The following CDON variants were observed in gnomAD, a reference collection of about 807,000 sequenced individuals.
The protein encoded by CDON is cell adhesion associated, oncogene regulated.
A neutral mutation model predicts 120.9 loss-of-function variants in CDON; 73 were observed. The observed-to-expected ratio is 0.60, with a 90% CI of 0.50 to 0.73. The LOEUF is 0.73. Among genes scored for constraint, CDON ranks in the 30% least tolerant of loss-of-function variants. The probability of loss-of-function intolerance (pLI) is 0.00; values close to 1 mark genes in which losing one functional copy is unlikely to be tolerated. For synonymous variants in CDON, 566 were observed against 573.5 expected (o/e 0.99, Z 0.19); for missense variants, 1,470 against 1,587.3 (o/e 0.93, Z 1.26).
rs1945580524 is a variant in CDON at position 125,959,530 on chromosome 11, T to C, written c.*1412A>G. The stretch of plus-strand genomic sequence containing the variant: ...GGAGCTCTGCTGACCAACTTGGCTT[T>C]AGGTGCCTATTTACAAGGGTGACAT... On this transcript the variant is annotated 3_prime_UTR_variant, in exon 20 of 20. Coordinates refer to ENST00000531738, the MANE Select transcript of CDON (RefSeq NM_001378964.1). 1 of 152,132 alleles carries C rather than the reference T, an allele frequency of 6.6e-6. No individual in the cohort carries two copies. Among genetic ancestry groups the C allele is most frequent in the South Asian group, 2.1e-4 (1 of 4,824 alleles). The allele number at this position is 152,132 out of a possible 1,614,324, so 9.4% of individuals were successfully genotyped here.
chr11:125,981,970 C>CTTTTTTTTT (rs61446837), intron 16 of CDON, among the ~76,000 whole-genome samples: 669 of 54,268 alleles, frequency 0.012, 156 homozygotes, highest in East Asian at 0.03. Context: ...ATTCTATTTT[C>CTTTTTTTTT]TTTTTTTTTT....
At chr11:126,062,975 G>C (rs906887718), upstream of CDON, among the ~76,000 whole-genome samples, 2 of 151,756 alleles carry the variant, frequency 1.3e-5, no homozygotes, top group South Asian at 4.2e-4. Context: ...AGGAGGGACC[G>C]GGGAATGACT....
Position 126,019,823 on chromosome 11 carries a change from A to G in CDON, c.350-58T>C, listed in dbSNP as rs1947582050. On this transcript the variant is annotated intron_variant, in intron 3 of 19. Transcript: ENST00000531738. ...CATGCAAATTTGAATTCTTTTTCCC[A>G]AAGGAAATTTACAAATTAGAAACAA... 3 of 1,503,110 alleles carry G rather than the reference A, an allele frequency of 2.0e-6. No homozygotes were observed. The African/African-American group carries it at 4.1e-5, about 21-fold the overall frequency. 93.1% of individuals were successfully genotyped at this position (1,503,110 alleles called of 1,614,324 possible).
At chr11:126,038,792 G>C (rs540089196) in intron 1 of CDON, among the ~76,000 whole-genome samples, 2 of 152,198 alleles carry the variant, frequency 1.3e-5, no homozygotes, top group South Asian at 2.1e-4. Context: ...TCTCTTCCTA[G>C]CTTCCCTGCC....
At chr11:126,039,834 A>G (rs905739236) in intron 1 of CDON, among the ~76,000 whole-genome samples, 1 of 152,096 alleles carries the variant, frequency 6.6e-6, no homozygotes, top group African/African-American at 2.4e-5. Flanking sequence ...GAACTCTTAG[A>G]CCTTGCTGGG....
rs771490194 is a variant in CDON, at chr11:125,984,042, G to T, written c.2825C>A (p.Pro942His). The change falls in exon 16 of 20, where the codon CCT becomes CAT. Residue 942 changes from proline (P) to histidine (H), a missense_variant. Physicochemically the swap from Pro to His is moderately conservative, Grantham distance 77. Coordinates refer to ENST00000531738, the MANE Select transcript of CDON (RefSeq NM_001378964.1). ...TCCTCCACTTCCCAAAGAATTTGGA[G>T]GGGTACTCAAGTCTTTGACAGGATA... ...SEYPVKDLSTPPNSLGSGGNV... is the reference protein window; with the variant it reads ...SEYPVKDLSTHPNSLGSGGNV... The T allele has an allele frequency of 6.2e-7, 1 of 1,614,026 alleles. No individual in the cohort carries two copies. The highest frequency in any genetic ancestry group is 8.5e-7 in the Non-Finnish European group (1 of 1,179,948).
chr11:126,026,951 T>C (rs1163491371), intron 1 of CDON, among the ~76,000 whole-genome samples: 1 of 152,224 alleles, frequency 6.6e-6, no homozygotes, highest in African/African-American at 2.4e-5. Flanking sequence ...AGAGTCAACT[T>C]TAACCCTAGT....
chr11:125,990,099 C>T (rs189980916), intron 14 of CDON, among the ~76,000 whole-genome samples: 8 of 152,250 alleles, frequency 5.3e-5, no homozygotes, highest in Admixed American at 4.6e-4. Flanking sequence ...CAAGTCCTTT[C>T]ATCCCTATCT....
rs531475217 is a variant in CDON at position 126,055,861 on chromosome 11, C to T, written c.-62+6718G>A. ...AGGAAGAAAGAATACCCGACATTTA[C>T]TTGTTAGTGATAAACTAAGGATTAC... On this transcript the variant is annotated intron_variant, in intron 1 of 19. Coordinates refer to ENST00000531738, the MANE Select transcript of CDON (RefSeq NM_001378964.1). Among the ~76,000 whole-genome samples the T allele has an allele frequency of 1.6e-4, 24 of 152,264 alleles. No individual in the cohort carries two copies. In the South Asian group the frequency reaches 4.8e-3, roughly 30 times the overall value.
At chr11:125,966,477 A>G (rs557716643) in intron 18 of CDON, among the ~76,000 whole-genome samples, 3 of 152,226 alleles carry the variant, frequency 2.0e-5, no homozygotes, top group South Asian at 4.1e-4. Flanking sequence ...GGAACAGAGG[A>G]GGCACCGTAT....
chr11:126,010,785 G>T, intron 7 of CDON, 91 bp from the exon 8 acceptor site: 2 of 1,056,592 alleles, frequency 1.9e-6, no homozygotes, highest in South Asian at 1.3e-5. Context: ...AAATGTGGGA[G>T]TAATGATTAA....
chr11:126,023,496 A>C lies in CDON; in HGVS notation c.-20T>G. 6.3e-7 allele frequency: 1 copy of C among 1,575,206 alleles called. No individual in the cohort carries two copies. Among genetic ancestry groups the C allele is most frequent in the Non-Finnish European group, 8.7e-7 (1 of 1,144,602 alleles). On this transcript the variant is annotated 5_prime_UTR_variant, in exon 2 of 20. It adds an upstream start codon to the 5' untranslated region. Coordinates refer to ENST00000531738, the MANE Select transcript of CDON (RefSeq NM_001378964.1). ...ATGCATAGCGCCAGATTACAGAAGC[A>C]ATCAGGACAGGCTTCCAGAGCAAAA...
chr11:126,027,517 C>A lies in CDON; in HGVS notation c.-61-3980G>T, dbSNP rs150652395. Among the ~76,000 whole-genome samples, 93 of 152,246 alleles carry A rather than the reference C, an allele frequency of 6.1e-4. 1 individual carries two copies. In the East Asian group the frequency reaches 0.011, roughly 18 times the overall value. On this transcript the variant is annotated intron_variant, in intron 1 of 19. Coordinates refer to ENST00000531738, the MANE Select transcript of CDON (RefSeq NM_001378964.1). ...TTATTCATATGTGTGTGTATATATA[C>A]ATGCAAATGCATGTGTGTGTACTTA...
chr11:126,028,850 T>C (rs1186366719), intron 1 of CDON, among the ~76,000 whole-genome samples: 1 of 151,806 alleles, frequency 6.6e-6, no homozygotes, highest in Non-Finnish European at 1.5e-5. Flanking sequence ...TATATATATG[T>C]TACTTTTTTG....
Position 125,961,984 on chromosome 11 carries a change from G to A in CDON, c.3371C>T (p.Thr1124Ile). 2 of 1,614,140 alleles carry A rather than the reference G, an allele frequency of 1.2e-6. No homozygotes were observed. Among genetic ancestry groups the A allele is most frequent in the Non-Finnish European group, 8.5e-7 (1 of 1,179,998 alleles). ...AGGGCTGCTGCTGAAAGTGCTGTTG[G>A]TTTTGGTGAAACACCTGCAGAGGTT... ...CRNNNRCFTK[T>I]NSTFSSSPPP... The change falls in exon 19 of 20, where the codon ACC becomes ATC. Residue 1124 changes from threonine (T) to isoleucine (I), a missense_variant. Transcript: ENST00000531738.
chr11:126,027,549 C>T (rs1308885791), intron 1 of CDON, among the ~76,000 whole-genome samples: 2 of 151,994 alleles, frequency 1.3e-5, no homozygotes, highest in Non-Finnish European at 2.9e-5. Flanking sequence ...CTTAAGTTCC[C>T]CTACATTGCT....
At chr11:126,051,761 C>A (rs1948565085) in intron 1 of CDON, among the ~76,000 whole-genome samples, 1 of 151,560 alleles carries the variant, frequency 6.6e-6, no homozygotes, top group Non-Finnish European at 1.5e-5. Flanking sequence ...GATTCTCCTG[C>A]CTCAGCCTCC....
rs1947042517 is a variant in CDON, at chr11:126,004,067, C to T, written c.1861G>A (p.Gly621Arg). Reference protein sequence around the residue: ...YFVKYRKLDDGVGMLGSWHTV... With the variant: ...YFVKYRKLDDRVGMLGSWHTV... ...TGCCAGCTTCCCAGCATGCCAACCC[C>T]ATCATCCAGCTGCCCAAGAGAAAAC... The change falls in exon 10 of 20, where the codon GGG becomes AGG. Residue 621 changes from glycine (G) to arginine (R), a missense_variant. By Grantham distance (125) the Gly-to-Arg change is moderately radical. Coordinates refer to ENST00000531738, the MANE Select transcript of CDON (RefSeq NM_001378964.1). The T allele has an allele frequency of 6.2e-7, 1 of 1,613,940 alleles. No homozygotes were observed. Among genetic ancestry groups the T allele is most frequent in the Non-Finnish European group, 8.5e-7 (1 of 1,179,994 alleles).
chr11:126,006,811 T>C (rs1208596717), intron 8 of CDON, among the ~76,000 whole-genome samples: 1 of 151,908 alleles, frequency 6.6e-6, no homozygotes, highest in African/African-American at 2.4e-5. Flanking sequence ...AAAAAATAGG[T>C]TGCATACAGT....
Sources: allele counts gnomAD v4.1 joint callset (sites outside exome capture counted in the v4.1 genomes callset), GRCh38; gene constraint gnomAD v4.1.1; transcripts MANE v1.5; gene names NCBI Gene and HGNC (gene_info 2026-07-23, HGNC 2026-07-21).